GLG1: variants seen among roughly 807,000 people sequenced by gnomAD.
The protein encoded by GLG1 is golgi glycoprotein 1.
A neutral mutation model predicts 160.5 loss-of-function variants in GLG1; 38 were observed. The observed-to-expected ratio is 0.24, with a 90% CI of 0.18 to 0.31. The LOEUF (loss-of-function observed/expected upper bound fraction) is 0.31. Among genes scored for constraint, GLG1 ranks in the 10% least tolerant of loss-of-function variants. GLG1 has a pLI of 1.00. For missense variants in GLG1, 1,373 were observed against 1,505.2 expected (o/e 0.91, Z 1.45); for synonymous variants, 644 against 543.4 (o/e 1.19, Z -2.57).
chr16:74,479,050 C>CAAAAAAAAAAAA (rs2015499298), intron 11 of GLG1, among the ~76,000 whole-genome samples: 1 of 4,034 alleles, frequency 2.5e-4, no homozygotes, highest in Non-Finnish European at 8.4e-4. Flanking sequence ...TATTAAAAAT[C>CAAAAAAAAAAAA]CAAAAAAAAA....
chr16:74,522,036 C>T (rs963600343), intron 2 of GLG1, among the ~76,000 whole-genome samples: 1 of 152,238 alleles, frequency 6.6e-6, no homozygotes, highest in African/African-American at 2.4e-5. Flanking sequence ...TCATTAACAG[C>T]TCTTCACAGC....
At chr16:74,493,321 A>G (rs1397626455) in intron 6 of GLG1, among the ~76,000 whole-genome samples, 181 bp from the exon 7 acceptor site, 1 of 152,264 alleles carries the variant, frequency 6.6e-6, no homozygotes, top group Non-Finnish European at 1.5e-5. Context: ...GTGTGGCATG[A>G]GACAGGGGTA....
chr16:74,560,259 G>T (rs561676126), intron 1 of GLG1, among the ~76,000 whole-genome samples: 1 of 151,718 alleles, frequency 6.6e-6, no homozygotes, highest in South Asian at 2.1e-4. Flanking sequence ...AGCTCCCCCA[G>T]GACTCCAGAA....
At chr16:74,508,783 C>A in intron 3 of GLG1, 56 bp downstream of exon 3, 3 of 771,216 alleles carry the variant, frequency 3.9e-6, no homozygotes, top group South Asian at 1.4e-5. Context: ...AAGGGCTGGT[C>A]TGGTAATTTT....
intron 2 of GLG1, among the ~76,000 whole-genome samples, chr16:74,528,318 G>A (rs940666074): frequency 5.3e-5 from 8 of 151,984 alleles, no homozygotes; most frequent in African/African-American, 1.9e-4. Context: ...ATTTTTTAAA[G>A]GGGTATTTTT....
intron 4 of GLG1, among the ~76,000 whole-genome samples, chr16:74,498,425 C>T (rs2016276825): frequency 8.8e-5 from 1 of 11,376 alleles, no homozygotes. Flanking sequence ...CAGTGCAAGG[C>T]TCTGTCTCAA....
At chr16:74,482,244 G>C (rs1014643800) in intron 10 of GLG1, among the ~76,000 whole-genome samples, 1 of 152,062 alleles carries the variant, frequency 6.6e-6, no homozygotes, top group African/African-American at 2.4e-5. Context: ...CCCCTGCCTA[G>C]GCCTCCCAAA....
chr16:74,582,215 G>A (rs961664824), intron 1 of GLG1, among the ~76,000 whole-genome samples: 2 of 152,094 alleles, frequency 1.3e-5, no homozygotes, highest in Non-Finnish European at 2.9e-5. Context: ...TGCCCAGGGT[G>A]GAGTGCAATG....
chr16:74,462,565 T>C lies in GLG1; in HGVS notation c.2857A>G (p.Ile953Val), dbSNP rs2143183158. The change falls in exon 21 of 26, where the codon ATC becomes GTC. Residue 953 changes from isoleucine (I) to valine (V), a missense_variant. Physicochemically the swap from Ile to Val is conservative, Grantham distance 29 (BLOSUM62 3). Around this residue, in one of 4 missense-constraint regions of GLG1, gnomAD observed 491 missense variants for 632.1 expected, o/e 0.78. Coordinates refer to ENST00000422840, the MANE Select transcript of GLG1 (RefSeq NM_001145667.2). ...KADIPKFCHGILTKAKDDSEL... is the reference protein window; with the variant it reads ...KADIPKFCHGVLTKAKDDSEL... Reference sequence around the variant, plus strand: ...GAATCATCCTTGGCCTTAGTCAGGATACCGTGACAGAATTTAGGAATGTCA... The same window carrying C: ...GAATCATCCTTGGCCTTAGTCAGGACACCGTGACAGAATTTAGGAATGTCA... The C allele has an allele frequency of 1.2e-6, 2 of 1,613,724 alleles. No individual in the cohort carries two copies. The highest frequency in any genetic ancestry group is 1.7e-6 in the Non-Finnish European group (2 of 1,179,586).
At chr16:74,492,468 G>T (rs898474540) in intron 7 of GLG1, among the ~76,000 whole-genome samples, 1 of 151,406 alleles carries the variant, frequency 6.6e-6, no homozygotes, top group Non-Finnish European at 1.5e-5. Context: ...GATCACGTGA[G>T]GGCAGGAGTT....
At chr16:74,605,004 C>T (rs1430202453) in intron 1 of GLG1, among the ~76,000 whole-genome samples, 1 of 152,138 alleles carries the variant, frequency 6.6e-6, no homozygotes, top group African/African-American at 2.4e-5. Flanking sequence ...CAAGTTCAAG[C>T]CACTGCACTC....
chr16:74,561,928 T>C (rs2018524924), intron 1 of GLG1, among the ~76,000 whole-genome samples: 1 of 152,238 alleles, frequency 6.6e-6, no homozygotes, highest in East Asian at 1.9e-4. Flanking sequence ...AAATGGTTTA[T>C]GACCAAGGTT....
intron 2 of GLG1, among the ~76,000 whole-genome samples, chr16:74,524,458 G>A (rs999552325): frequency 6.6e-6 from 1 of 151,382 alleles, no homozygotes; most frequent in Non-Finnish European, 1.5e-5. Context: ...TGCTAAAATT[G>A]GAAATTTGAA....
At chr16:74,513,962 GA>G (rs1483948354) in intron 2 of GLG1, among the ~76,000 whole-genome samples, 7 of 152,140 alleles carry the variant, frequency 4.6e-5, no homozygotes, top group African/African-American at 1.7e-4. Context: ...TGATGGAGCT[GA>G]AAACCACAGT....
chr16:74,500,821 C>T (rs2016377652), intron 4 of GLG1, among the ~76,000 whole-genome samples: 1 of 152,138 alleles, frequency 6.6e-6, no homozygotes, highest in Non-Finnish European at 1.5e-5. Flanking sequence ...TTTTGGAAAT[C>T]TGCCCTTTCA....
intron 13 of GLG1, chr16:74,472,795 G>A: frequency 2.8e-6 from 1 of 360,548 alleles, no homozygotes; most frequent in South Asian, 2.1e-5. Flanking sequence ...AAGCTCATAA[G>A]CCAGAGCACT....
intron 2 of GLG1, among the ~76,000 whole-genome samples, chr16:74,523,268 T>C (rs2017229262): frequency 1.3e-5 from 2 of 152,204 alleles, no homozygotes; most frequent in South Asian, 2.1e-4. Flanking sequence ...GGATTTTCCA[T>C]GAATGGCATA....
chr16:74,499,940 T>G (rs1197249302), intron 4 of GLG1, among the ~76,000 whole-genome samples: 1 of 152,148 alleles, frequency 6.6e-6, no homozygotes, highest in Non-Finnish European at 1.5e-5. Context: ...GAGGCGGAAC[T>G]TGCAGTGAGC....
chr16:74,535,294 A>G (rs1011248451), intron 1 of GLG1, among the ~76,000 whole-genome samples: 1 of 152,280 alleles, frequency 6.6e-6, no homozygotes, highest in Non-Finnish European at 1.5e-5. Context: ...GAAAGCACAG[A>G]GCACTACTGT....
Sources: gnomAD v4.1 joint callset for allele counts (sites outside exome capture counted in the v4.1 genomes callset) on GRCh38, gnomAD v4.1.1 for gene constraint, gnomAD v4.1.1 regional missense constraint, MANE v1.5 for transcripts, NCBI Gene and HGNC (gene_info 2026-07-23, HGNC 2026-07-21) for gene names.